The following NEXMIF variants were observed in gnomAD, a reference collection of about 807,000 sequenced individuals.
NEXMIF encodes the protein XLMR protein related to neurite extension.
NEXMIF carries 8 observed loss-of-function variants against 62.1 expected under a neutral mutation model. The observed-to-expected ratio is 0.13, with a 90% CI of 0.08 to 0.23. The LOEUF is 0.23. NEXMIF is among the 10% of genes least tolerant of loss of function. NEXMIF has a pLI of 1.00. For synonymous variants in NEXMIF, 404 were observed against 416.6 expected (o/e 0.97, Z 0.37); for missense variants, 976 against 1,113.3 (o/e 0.88, Z 1.75).
chrX:74,887,883 C>G (rs1340706905), intron 1 of NEXMIF, among the ~76,000 whole-genome samples: 1 of 112,021 alleles, frequency 8.9e-6, no homozygotes, highest in Non-Finnish European at 1.9e-5. Flanking sequence ...ATAGCAAAGA[C>G]TTGGAACCAA....
intron 1 of NEXMIF, among the ~76,000 whole-genome samples, chrX:74,804,408 A>T (rs1448019894): frequency 8.9e-6 from 1 of 112,016 alleles, no homozygotes; most frequent in African/African-American, 3.2e-5. Flanking sequence ...TCAGAGTCTC[A>T]TCCAAGGCCA....
intron 1 of NEXMIF, among the ~76,000 whole-genome samples, chrX:74,921,949 A>G (rs1232334754): frequency 9.0e-6 from 1 of 111,711 alleles, no homozygotes; most frequent in Non-Finnish European, 1.9e-5. Context: ...TTCTCCCCTT[A>G]CTAAGGGATA....
chrX:74,884,565 G>A (rs2080682423), intron 1 of NEXMIF, among the ~76,000 whole-genome samples: 1 of 111,921 alleles, frequency 8.9e-6, no homozygotes, highest in Non-Finnish European at 1.9e-5. Context: ...TTATATAATG[G>A]TAAAGGAATC....
At chrX:74,845,836 A>G (rs976327047) in intron 1 of NEXMIF, among the ~76,000 whole-genome samples, 7 of 111,079 alleles carry the variant, frequency 6.3e-5, no homozygotes, top group African/African-American at 2.3e-4. Context: ...AGCCCTAATT[A>G]TAACCTCTCT....
chrX:74,837,093 A>C (rs765473165), intron 1 of NEXMIF, among the ~76,000 whole-genome samples: 1 of 110,165 alleles, frequency 9.1e-6, no homozygotes, highest in African/African-American at 3.3e-5. Context: ...CACTGAAATC[A>C]ATATAATGTC....
At chrX:74,760,100 G>A (rs909610997) in intron 1 of NEXMIF, among the ~76,000 whole-genome samples, 15 of 110,887 alleles carry the variant, frequency 1.4e-4, no homozygotes, top group African/African-American at 4.6e-4. Context: ...TGTAGAGATC[G>A]TTGACCTCCC....
At chrX:74,917,161 T>C (rs748982154) in intron 1 of NEXMIF, among the ~76,000 whole-genome samples, 1 of 111,841 alleles carries the variant, frequency 8.9e-6, no homozygotes, top group Non-Finnish European at 1.9e-5. Flanking sequence ...ACAGGCCTGG[T>C]GGGAGGTAGT....
chrX:74,824,741 C>T (rs1017028425), intron 1 of NEXMIF, among the ~76,000 whole-genome samples: 2 of 109,332 alleles, frequency 1.8e-5, no homozygotes, highest in African/African-American at 3.3e-5. Context: ...CTCCGCCTCC[C>T]GGATTCACGC....
intron 1 of NEXMIF, among the ~76,000 whole-genome samples, chrX:74,907,599 CAGAG>C (rs1378881003): frequency 9.0e-6 from 1 of 110,615 alleles, no homozygotes; most frequent in Admixed American, 9.6e-5. Flanking sequence ...TTCTGAGGCC[CAGAG>C]AGAGAGAAAA....
chrX:74,833,097 T>A (rs1341033839), intron 1 of NEXMIF, among the ~76,000 whole-genome samples: 2 of 113,120 alleles, frequency 1.8e-5, no homozygotes, highest in Non-Finnish European at 3.7e-5. Flanking sequence ...AGCCTTTGGA[T>A]GAAATGTTCT....
At chrX:74,806,505 G>A (rs757899156) in intron 1 of NEXMIF, among the ~76,000 whole-genome samples, 1 of 111,693 alleles carries the variant, frequency 9.0e-6, no homozygotes, top group African/African-American at 3.3e-5. Context: ...TTCCTTAATT[G>A]TAACAAATGT....
intron 1 of NEXMIF, among the ~76,000 whole-genome samples, chrX:74,872,085 G>A (rs754982645): frequency 9.0e-6 from 1 of 111,586 alleles, no homozygotes; most frequent in African/African-American, 3.3e-5. Context: ...ACAGGCCTAA[G>A]AAATGATAAA....
Position 74,889,953 on chromosome X carries a change from T to A in NEXMIF, c.-48+34930A>T, listed in dbSNP as rs1277415083. Among the ~76,000 whole-genome samples the A allele has an allele frequency of 6.2e-5, 4 of 64,052 alleles. No homozygotes were observed. The Admixed American group carries it at 7.7e-4, about 12-fold the overall frequency. 55.6% of individuals were successfully genotyped at this position (64,052 alleles called of 115,157 possible). ...CCTAACCTAATCCTAACCTAATCTG[T>A]CTCTCTCTCTCTCTCTCTCTCTCTC... is the stretch of plus-strand genomic sequence containing the variant. On this transcript the variant is annotated intron_variant, in intron 1 of 3. Transcript: ENST00000055682.
chrX:74,786,292 T>C (rs2080260063), intron 1 of NEXMIF, among the ~76,000 whole-genome samples: 1 of 112,031 alleles, frequency 8.9e-6, no homozygotes, highest in Non-Finnish European at 1.9e-5. Flanking sequence ...GAAGACTGAT[T>C]GTCTATGCAG....
At chrX:74,807,388 A>G (rs2080348053) in intron 1 of NEXMIF, among the ~76,000 whole-genome samples, 3 of 111,260 alleles carry the variant, frequency 2.7e-5, no homozygotes, top group Non-Finnish European at 5.7e-5. Flanking sequence ...TGATCATACC[A>G]AAAACTCCTG....
At chrX:74,864,872 C>G (rs1406821764) in intron 1 of NEXMIF, among the ~76,000 whole-genome samples, 1 of 110,875 alleles carries the variant, frequency 9.0e-6, no homozygotes, top group African/African-American at 3.3e-5. Flanking sequence ...CCACCTCCAG[C>G]TAATTTTTAT....
intron 1 of NEXMIF, among the ~76,000 whole-genome samples, chrX:74,894,511 G>A (rs921591489): frequency 1.8e-5 from 2 of 111,031 alleles, no homozygotes. Flanking sequence ...CCCTGATACT[G>A]AAACCAGACA....
chrX:74,796,153 AC>A (rs1476774496), intron 1 of NEXMIF, among the ~76,000 whole-genome samples: 45 of 68,969 alleles, frequency 6.5e-4, no homozygotes, highest in East Asian at 2.0e-3. Context: ...TTATATATAT[AC>A]ATATATATTA....
At chrX:74,871,032 G>C (rs1271060152) in intron 1 of NEXMIF, among the ~76,000 whole-genome samples, 3 of 112,109 alleles carry the variant, frequency 2.7e-5, no homozygotes, top group Non-Finnish European at 5.6e-5. Context: ...GTTTATTGCA[G>C]CAGTATTCAC....
Sources: allele counts gnomAD v4.1 joint callset (sites outside exome capture counted in the v4.1 genomes callset), GRCh38; gene constraint gnomAD v4.1.1; transcripts MANE v1.5; gene names NCBI Gene and HGNC (gene_info 2026-07-23, HGNC 2026-07-21).